EPB41L4A: variants seen among roughly 807,000 people sequenced by gnomAD.
EPB41L4A encodes erythrocyte membrane protein band 4.1 like 4A, also known as band 4.1-like protein 4A.
In EPB41L4A, 100 loss-of-function variants were observed where a neutral mutation model predicts 108.6. The ratio of observed to expected loss-of-function variants is 0.92; its 90% CI spans 0.78 to 1.09. The LOEUF (loss-of-function observed/expected upper bound fraction) is 1.09. Ranked by LOEUF, EPB41L4A falls within the 50% of genes least tolerant of loss-of-function variation. EPB41L4A has a pLI of 0.00. For missense variants in EPB41L4A, 1,030 were observed against 842.7 expected (o/e 1.22, Z -2.75); for synonymous variants, 319 against 289.0 (o/e 1.10, Z -1.05).
Position 112,359,819 on chromosome 5 carries a change from C to A in EPB41L4A, c.100-52329G>T, listed in dbSNP as rs1018630767. On this transcript the variant is annotated intron_variant, in intron 1 of 22. Transcript: ENST00000261486. ...CCTCCCAAAGTGCTGGGATTACAGG[C>A]GTGAGCCACTGTGCCCAGCCAAAAG... is the stretch of plus-strand genomic sequence containing the variant. 5.9e-5 allele frequency among the ~76,000 whole-genome samples: 9 copies of A among 152,256 alleles called. No homozygotes were observed. The South Asian group carries it at 1.0e-3, about 18-fold the overall frequency.
intron 1 of EPB41L4A, among the ~76,000 whole-genome samples, chr5:112,331,285 C>CA (rs1756550415): frequency 2.6e-5 from 4 of 152,228 alleles, no homozygotes; most frequent in Admixed American, 6.5e-5. Context: ...CATTCCAACA[C>CA]ATTACCTTCC....
chr5:112,258,505 A>ACC (rs1751267127), intron 9 of EPB41L4A, among the ~76,000 whole-genome samples: 1 of 152,226 alleles, frequency 6.6e-6, no homozygotes, highest in South Asian at 2.1e-4. Flanking sequence ...TATGGATTAA[A>ACC]CATCTTATTT....
intron 1 of EPB41L4A, among the ~76,000 whole-genome samples, chr5:112,316,722 A>G (rs1296025672): frequency 6.6e-6 from 1 of 152,244 alleles, no homozygotes; most frequent in Non-Finnish European, 1.5e-5. Context: ...CAGTGGCTTA[A>G]AGCAACAAGT....
intron 1 of EPB41L4A, among the ~76,000 whole-genome samples, chr5:112,418,688 G>C (rs368760002): frequency 6.6e-6 from 1 of 152,114 alleles, no homozygotes; most frequent in South Asian, 2.1e-4. Flanking sequence ...AAGAGTTTTG[G>C]GGTGCTGCTG....
At position 112,188,427 on chromosome 5, in the gene EPB41L4A, C is replaced by T. The variant is rs565290711; in HGVS notation, c.1503-4292G>A. 5.6e-4 allele frequency among the ~76,000 whole-genome samples: 86 copies of T among 152,248 alleles called. No individual in the cohort carries two copies. The South Asian group carries it at 8.7e-3, about 15-fold the overall frequency. On this transcript the variant is annotated intron_variant, in intron 17 of 22. Coordinates refer to ENST00000261486, the MANE Select transcript of EPB41L4A (RefSeq NM_022140.5). ...CACTACTACAATGGGCTACCTCTGG[C>T]GCAATTTCCCTTTCAAACTCTCCTG... is the stretch of plus-strand genomic sequence containing the variant.
intron 1 of EPB41L4A, among the ~76,000 whole-genome samples, chr5:112,372,254 G>A (rs1001005339): frequency 1.3e-5 from 2 of 152,184 alleles, no homozygotes; most frequent in African/African-American, 4.8e-5. Flanking sequence ...GATAGAGAAT[G>A]AGAGCCAGCA....
At chr5:112,200,177 T>C (rs1406005103) in intron 15 of EPB41L4A, among the ~76,000 whole-genome samples, 1 of 152,194 alleles carries the variant, frequency 6.6e-6, no homozygotes, top group East Asian at 1.9e-4. Flanking sequence ...TTCTTTCCAT[T>C]CCCAATGCTT....
chr5:112,392,916 A>T (rs1319594180), intron 1 of EPB41L4A: 1 of 152,274 alleles, frequency 6.6e-6, no homozygotes, highest in East Asian at 1.9e-4. Flanking sequence ...CAATCAAATT[A>T]GTATTCAGGA....
intron 12 of EPB41L4A, among the ~76,000 whole-genome samples, chr5:112,149,770 T>C (rs535906431): frequency 2.0e-4 from 31 of 152,230 alleles, no homozygotes; most frequent in Admixed American, 7.8e-4. Flanking sequence ...CTGAAAAATA[T>C]GGGACGTCCT....
At chr5:112,387,274 ACC>A (rs1760612849) in intron 1 of EPB41L4A, among the ~76,000 whole-genome samples, 3 of 152,116 alleles carry the variant, frequency 2.0e-5, no homozygotes, top group African/African-American at 7.2e-5. Context: ...TGTGCAAACC[ACC>A]ATTCCAGCTT....
chr5:112,151,878 A>G (rs2416274), intron 12 of EPB41L4A, among the ~76,000 whole-genome samples: 55,219 of 151,798 alleles, frequency 0.36, 12,034 homozygotes, highest in African/African-American at 0.62. Context: ...TTACAGGCAC[A>G]TGCCACCACG....
chr5:112,204,879 A>G (rs1015484143), intron 14 of EPB41L4A, among the ~76,000 whole-genome samples: 19 of 152,162 alleles, frequency 1.2e-4, no homozygotes, highest in African/African-American at 4.1e-4. Flanking sequence ...TAAACCTATT[A>G]AACAGAAAAA....
intron 9 of EPB41L4A, among the ~76,000 whole-genome samples, chr5:112,250,421 C>G (rs1750576920): frequency 6.6e-6 from 1 of 152,178 alleles, no homozygotes; most frequent in African/African-American, 2.4e-5. Flanking sequence ...ATCTTCTCCT[C>G]ATCTGTTTTG....
At chr5:112,244,142 G>C (rs1437961682) in intron 9 of EPB41L4A, among the ~76,000 whole-genome samples, 1 of 152,158 alleles carries the variant, frequency 6.6e-6, no homozygotes, top group African/African-American at 2.4e-5. Context: ...GGTTATTGTA[G>C]GGTTATTAAC....
At position 112,224,729 on chromosome 5, in the gene EPB41L4A, A is replaced by T. The variant is rs151190666; in HGVS notation, c.1087+9905T>A. 5.5e-3 allele frequency among the ~76,000 whole-genome samples: 836 copies of T among 152,334 alleles called. 6 individuals carry two copies. Among genetic ancestry groups the T allele is most frequent in the Non-Finnish European group, 8.3e-3 (562 of 68,030 alleles). On this transcript the variant is annotated intron_variant, in intron 12 of 22. Coordinates refer to ENST00000261486, the MANE Select transcript of EPB41L4A (RefSeq NM_022140.5). ...TAATCAGTCAAGAGGTAATTTAAAC[A>T]TCCCTCAGAGCAGAGGTTCTTACAA...
chr5:112,263,631 TCAG>T (rs1178352523), intron 6 of EPB41L4A: 1 of 152,144 alleles, frequency 6.6e-6, no homozygotes, highest in Non-Finnish European at 1.5e-5. Context: ...ACCATCTACT[TCAG>T]CAGAATCTGA....
rs543630264 is a variant in EPB41L4A at position 112,387,086 on chromosome 5, C to T, written c.99+31855G>A. 7.2e-5 allele frequency among the ~76,000 whole-genome samples: 11 copies of T among 152,264 alleles called. No individual in the cohort carries two copies. The South Asian group carries it at 2.3e-3, about 32-fold the overall frequency. ...TCTGAATCTGGGGGCCTGCACACTC[C>T]CCGGCCTCTCCAGTCAGATGGAGCC... On this transcript the variant is annotated intron_variant, in intron 1 of 22. Transcript: ENST00000261486.
At chr5:112,268,376 T>C (rs1475263586) in intron 4 of EPB41L4A, among the ~76,000 whole-genome samples, 1 of 151,694 alleles carries the variant, frequency 6.6e-6, no homozygotes, top group Non-Finnish European at 1.5e-5. Flanking sequence ...AGACCCTGTC[T>C]CAAAAAAACA....
At chr5:112,258,289 A>T (rs529944645) in intron 9 of EPB41L4A, among the ~76,000 whole-genome samples, 6 of 152,266 alleles carry the variant, frequency 3.9e-5, no homozygotes, top group African/African-American at 1.4e-4. Flanking sequence ...CATGTGAGGC[A>T]CTCTGCCAAA....
Sources: gnomAD v4.1 joint callset for allele counts (sites outside exome capture counted in the v4.1 genomes callset) on GRCh38, gnomAD v4.1.1 for gene constraint, MANE v1.5 for transcripts, NCBI Gene and HGNC (gene_info 2026-07-23, HGNC 2026-07-21) for gene names.